The following PCDHGB2 variants were observed in gnomAD, a reference collection of about 807,000 sequenced individuals.
PCDHGB2 encodes the protein protocadherin gamma-B2.
Under a neutral mutation model 59.3 loss-of-function variants are expected in PCDHGB2, and 55 were observed. That is an observed-to-expected ratio of 0.93 (90% confidence interval 0.75 to 1.16). The LOEUF is 1.16. Among genes scored for constraint, PCDHGB2 ranks in the 50% most tolerant of loss-of-function variants. PCDHGB2 has a pLI of 0.00. For missense variants in PCDHGB2, 1,228 were observed against 1,198.5 expected (o/e 1.02, Z -0.36); for synonymous variants, 516 against 512.0 (o/e 1.01, Z -0.11).
At chr5:141,471,021 A>C (rs1399168691) in intron 1 of PCDHGB2, among the ~76,000 whole-genome samples, 1 of 136,940 alleles carries the variant, frequency 7.3e-6, no homozygotes, top group African/African-American at 2.7e-5. Flanking sequence ...CTGGTCAATC[A>C]TTTTTATTAA....
chr5:141,494,784 C>T, intron 1 of PCDHGB2, 23 bp from the exon 2 acceptor site: 1 of 1,614,110 alleles, frequency 6.2e-7, no homozygotes, highest in Non-Finnish European at 8.5e-7. Flanking sequence ...TACTCAGCCC[C>T]TTTCCCTCTG....
chr5:141,405,459 A>G (rs553327050), intron 1 of PCDHGB2: 1 of 1,229,452 alleles, frequency 8.1e-7, no homozygotes, highest in African/African-American at 1.5e-5. Context: ...TTACTCTGTT[A>G]CCCAGGCTGG....
chr5:141,389,784 G>C (rs1380763543), intron 1 of PCDHGB2: 2 of 1,613,318 alleles, frequency 1.2e-6, no homozygotes, highest in South Asian at 2.2e-5. Flanking sequence ...AGGCGACAGG[G>C]ACGCCGTCCG....
At chr5:141,409,681 G>A in intron 1 of PCDHGB2, 1 of 1,613,368 alleles carries the variant, frequency 6.2e-7, no homozygotes, top group South Asian at 1.1e-5. Flanking sequence ...CTATAGTGGC[G>A]AGTGACCTAG....
At position 141,360,028 on chromosome 5, in the gene PCDHGB2, A is replaced by T; in HGVS notation, c.-108A>T. 7.4e-7 allele frequency: 1 copy of T among 1,360,274 alleles called. No individual in the cohort carries two copies. The highest frequency in any genetic ancestry group is 9.8e-7 in the Non-Finnish European group (1 of 1,022,982). The allele number at this position is 1,360,274 out of a possible 1,614,324, so 84.3% of individuals were successfully genotyped here. On this transcript the variant is annotated 5_prime_UTR_variant, in exon 1 of 4. Coordinates refer to ENST00000522605, the MANE Select transcript of PCDHGB2 (RefSeq NM_018923.3). ...CCAACCACACAGAGAAGGCCAGTAT[A>T]GATTCGGAAACAGAAAACAAAAGCA...
At chr5:141,365,935 C>A (rs1191838027) in intron 1 of PCDHGB2, 2 of 1,614,106 alleles carry the variant, frequency 1.2e-6, no homozygotes, top group African/African-American at 2.7e-5. Flanking sequence ...TGACAGCCAG[C>A]GACAGTGGGA....
chr5:141,390,118 C>A (rs1031170621), intron 1 of PCDHGB2: 2 of 1,613,918 alleles, frequency 1.2e-6, no homozygotes, highest in African/African-American at 2.7e-5. Context: ...AGCGAGGGGA[C>A]TTTGCCTTAT....
At chr5:141,441,831 C>T in intron 1 of PCDHGB2, 3 of 352,742 alleles carry the variant, frequency 8.5e-6, no homozygotes, top group South Asian at 7.2e-5. Context: ...AGCGCAATGG[C>T]TTCGCGCTCT....
At chr5:141,398,375 A>C in intron 1 of PCDHGB2, 2 of 1,437,542 alleles carry the variant, frequency 1.4e-6, no homozygotes, top group East Asian at 4.7e-5. Flanking sequence ...GAGAGCGGGG[A>C]GTTGCTTGTG....
intron 1 of PCDHGB2, among the ~76,000 whole-genome samples, chr5:141,464,833 G>A (rs1015373577): frequency 6.6e-6 from 1 of 151,990 alleles, no homozygotes; most frequent in African/African-American, 2.4e-5. Context: ...CGCACTCCTG[G>A]GCTCAAGCAA....
intron 1 of PCDHGB2, chr5:141,413,770 G>A: frequency 6.2e-7 from 1 of 1,612,708 alleles, no homozygotes; most frequent in Non-Finnish European, 8.5e-7. Context: ...CCCGGAGCTG[G>A]TACTGGAGCA....
chr5:141,368,807 G>A (rs1237062065), intron 1 of PCDHGB2, among the ~76,000 whole-genome samples: 1 of 152,082 alleles, frequency 6.6e-6, no homozygotes, highest in Admixed American at 6.5e-5. Context: ...ACTAATTGAA[G>A]TGTTCATACA....
At chr5:141,471,079 C>T (rs1169560328) in intron 1 of PCDHGB2, among the ~76,000 whole-genome samples, 1 of 145,256 alleles carries the variant, frequency 6.9e-6, no homozygotes, top group African/African-American at 2.5e-5. Context: ...GACAGGGTCT[C>T]CCTCTGTTGT....
rs769872504 is a variant in PCDHGB2, at chr5:141,394,062, A to G, written c.2421+31506A>G. 2.5e-6 allele frequency: 4 copies of G among 1,613,808 alleles called. No homozygotes were observed. The South Asian group carries it at 4.4e-5, about 18-fold the overall frequency. On this transcript the variant is annotated intron_variant, in intron 1 of 3. Coordinates refer to ENST00000522605, the MANE Select transcript of PCDHGB2 (RefSeq NM_018923.3). ...ATATTTGGACCGAGAAAATGTCTCT[A>G]TCTACAATATCACAGTGATGGCCTC... is the stretch of plus-strand genomic sequence containing the variant.
chr5:141,444,044 T>C (rs188266846), intron 1 of PCDHGB2, among the ~76,000 whole-genome samples: 1 of 152,098 alleles, frequency 6.6e-6, no homozygotes, highest in East Asian at 1.9e-4. Flanking sequence ...ATCAGATAAT[T>C]TGGCATCTTC....
chr5:141,403,390 G>C (rs1471861396), intron 1 of PCDHGB2: 2 of 1,613,920 alleles, frequency 1.2e-6, no homozygotes, highest in Admixed American at 1.7e-5. Flanking sequence ...ACGAAATCGC[G>C]GTTCCTGGAG....
intron 2 of PCDHGB2, among the ~76,000 whole-genome samples, chr5:141,495,175 C>A (rs1337353259): frequency 6.6e-6 from 1 of 152,300 alleles, no homozygotes; most frequent in Middle Eastern, 3.4e-3. Flanking sequence ...TGGGTGAAAG[C>A]GAGGCTTTCT....
chr5:141,390,020 C>A, intron 1 of PCDHGB2: 2 of 1,614,048 alleles, frequency 1.2e-6, no homozygotes, highest in Non-Finnish European at 1.7e-6. Flanking sequence ...TTGCCTTGCG[C>A]CTGCGACGCT....
intron 1 of PCDHGB2, among the ~76,000 whole-genome samples, chr5:141,444,977 T>A (rs2098452876): frequency 1.3e-5 from 2 of 152,200 alleles, no homozygotes; most frequent in South Asian, 4.1e-4. Flanking sequence ...TTCAAATCCA[T>A]GAACATGGTA....
Sources: allele counts gnomAD v4.1 joint callset (sites outside exome capture counted in the v4.1 genomes callset), GRCh38; gene constraint gnomAD v4.1.1; transcripts MANE v1.5; gene names NCBI Gene and HGNC (gene_info 2026-07-23, HGNC 2026-07-21).